The following PCNX4 variants were observed in gnomAD, a reference collection of about 807,000 sequenced individuals.
PCNX4 encodes the protein pecanex-like protein 4.
A neutral mutation model predicts 107.2 loss-of-function variants in PCNX4; 103 were observed. That is an observed-to-expected ratio of 0.96 (90% CI 0.82 to 1.13). PCNX4 has a LOEUF of 1.13. Ranked by LOEUF, PCNX4 falls within the 50% of genes most tolerant of loss-of-function variation. The probability of loss-of-function intolerance (pLI) is 0.00; values close to 1 mark genes in which losing one functional copy is unlikely to be tolerated. For missense variants in PCNX4, 1,528 were observed against 1,379.4 expected, an observed-to-expected ratio of 1.11 and a Z score of -1.71; for synonymous variants, 541 against 481.7, an observed-to-expected ratio of 1.12 and a Z score of -1.61.
rs1011283503 is a variant in PCNX4, at chr14:60,140,969, T to C, written c.*6748T>C. ...TAAGAAACTCATGGGATTTTGGCTA[T>C]GTAAGTGGCCAAATACTGCATAGGC... On this transcript the variant is annotated 3_prime_UTR_variant, in exon 11 of 11. Transcript: ENST00000406854. This position sits in a 1 kb window ranked among gnomAD's most constrained non-coding sequence, Gnocchi z 4.2. 1.3e-5 allele frequency: 2 copies of C among 152,204 alleles called. No individual in the cohort carries two copies. Among genetic ancestry groups the C allele is most frequent in the Admixed American group, 6.5e-5 (1 of 15,280 alleles). The allele number at this position is 152,204 out of a possible 1,614,324, so 9.4% of individuals were successfully genotyped here.
chr14:60,130,904 C>T (rs1471099587), intron 10 of PCNX4, among the ~76,000 whole-genome samples: 1 of 151,940 alleles, frequency 6.6e-6, no homozygotes, highest in East Asian at 1.9e-4. Context: ...GAGTTTGAGA[C>T]CAGCCTGATG....
At chr14:60,128,663 A>G (rs1290187285) in intron 10 of PCNX4, among the ~76,000 whole-genome samples, 2 of 152,226 alleles carry the variant, frequency 1.3e-5, no homozygotes, top group Admixed American at 1.3e-4. Flanking sequence ...AAGAGCACCA[A>G]TAAAGGTAAC....
intron 10 of PCNX4, among the ~76,000 whole-genome samples, chr14:60,131,975 A>G (rs2140568982): frequency 6.6e-6 from 1 of 152,346 alleles, no homozygotes; most frequent in South Asian, 2.1e-4. Flanking sequence ...TCAAAAGAAT[A>G]ATGTTGGATT....
At chr14:60,111,314 C>G (rs933837314) in intron 2 of PCNX4, among the ~76,000 whole-genome samples, 1 of 152,048 alleles carries the variant, frequency 6.6e-6, no homozygotes, top group African/African-American at 2.4e-5. Flanking sequence ...CATTTATGAA[C>G]CAGAGGACAA....
At chr14:60,123,430 C>T (rs557160290) in intron 8 of PCNX4, among the ~76,000 whole-genome samples, 3 of 152,174 alleles carry the variant, frequency 2.0e-5, no homozygotes, top group Non-Finnish European at 4.4e-5. Context: ...AAGTTCTTGC[C>T]AGCACCTGGT....
intron 1 of PCNX4, among the ~76,000 whole-genome samples, chr14:60,098,443 A>G (rs1895468301): frequency 6.6e-6 from 1 of 152,194 alleles, no homozygotes; most frequent in South Asian, 2.1e-4. Context: ...GTGACCTTAC[A>G]AAACACTCTT....
At chr14:60,094,314 C>T (rs534105069) in intron 1 of PCNX4, among the ~76,000 whole-genome samples, 1 of 62,740 alleles carries the variant, frequency 1.6e-5, no homozygotes, top group South Asian at 3.8e-4. Flanking sequence ...CCAAAGAACC[C>T]TATTCCCCCA....
chr14:60,116,552 T>C (rs930879396), intron 6 of PCNX4, among the ~76,000 whole-genome samples: 6 of 152,214 alleles, frequency 3.9e-5, no homozygotes, highest in African/African-American at 9.6e-5. Context: ...TTTGTGGTGA[T>C]GTTGGTGTAA....
intron 8 of PCNX4, among the ~76,000 whole-genome samples, chr14:60,121,968 T>C (rs80210251): frequency 6.6e-6 from 1 of 152,300 alleles, no homozygotes; most frequent in African/African-American, 2.4e-5. Flanking sequence ...CTTTGACCTT[T>C]TAACACAAGG....
At chr14:60,132,149 C>T (rs1293018469) in intron 10 of PCNX4, among the ~76,000 whole-genome samples, 1 of 152,210 alleles carries the variant, frequency 6.6e-6, no homozygotes, top group Non-Finnish European at 1.5e-5. Flanking sequence ...AAGAATCTCT[C>T]CTGGCCTCTT....
intron 1 of PCNX4, among the ~76,000 whole-genome samples, chr14:60,105,147 T>A (rs1895606223): frequency 6.6e-6 from 1 of 152,214 alleles, no homozygotes; most frequent in Non-Finnish European, 1.5e-5. Flanking sequence ...TGGAGAATTT[T>A]GGATATTCAG....
chr14:60,125,791 T>C lies in PCNX4; in HGVS notation c.3235T>C (p.Tyr1079His), dbSNP rs1566519325. 2.5e-6 allele frequency: 4 copies of C among 1,610,050 alleles called. No homozygotes were observed. Among genetic ancestry groups the C allele is most frequent in the Middle Eastern group, 1.7e-4 (1 of 6,032 alleles). The change falls in exon 10 of 11, where the codon TAC becomes CAC. Residue 1079 changes from tyrosine to histidine, a missense_variant. Transcript: ENST00000406854. ...GGAAGCAATTTTACAAGAAAAGCCA[T>C]ACTTGTTTTCTCTGGGGTATGATTC... ...WKEAILQEKP[Y>H]LFSLGYDSNM...
At chr14:60,125,981 T>C in intron 10 of PCNX4, 158 bp downstream of exon 10, 1 of 515,588 alleles carries the variant, frequency 1.9e-6, no homozygotes, top group Non-Finnish European at 3.1e-6. Context: ...TTGGCTAAGC[T>C]AGATGAACTC....
intron 10 of PCNX4, among the ~76,000 whole-genome samples, chr14:60,126,691 A>G (rs1896061368): frequency 6.6e-6 from 1 of 152,162 alleles, no homozygotes; most frequent in Admixed American, 6.5e-5. Context: ...CAGGAGTTCA[A>G]CGTTTTTAAT....
chr14:60,111,334 C>G (rs1895736942), intron 2 of PCNX4, among the ~76,000 whole-genome samples: 1 of 152,120 alleles, frequency 6.6e-6, no homozygotes, highest in African/African-American at 2.4e-5. Flanking sequence ...ATGTAATGCC[C>G]ATGTAATTCT....
Position 60,124,557 on chromosome 14 carries a change from C to T in PCNX4, c.2386C>T (p.Pro796Ser), listed in dbSNP as rs754184797. The T allele has an allele frequency of 5.1e-5, 83 of 1,613,614 alleles. No individual in the cohort carries two copies. The highest frequency in any genetic ancestry group is 7.0e-5 in the Non-Finnish European group (82 of 1,179,776). The change falls in exon 9 of 11, where the codon CCT (proline) becomes TCT (serine). Residue 796 changes from proline to serine, a missense_variant. Pro to Ser is a moderately conservative substitution (Grantham distance 74). Coordinates refer to ENST00000406854, the MANE Select transcript of PCNX4 (RefSeq NM_001330177.2). ...TAAAGGGAAAGCACCTCTAATGTTG[C>T]CTGCTTTGAACACTTTGCCACCTCC... ...ENKGKAPLML[P>S]ALNTLPPPKS...
chr14:60,120,875 T>TAA (rs1895940504), intron 7 of PCNX4, among the ~76,000 whole-genome samples: 1 of 152,226 alleles, frequency 6.6e-6, no homozygotes, highest in African/African-American at 2.4e-5. Context: ...AGCTGCCTTT[T>TAA]ATAAACTCAA....
intron 9 of PCNX4, among the ~76,000 whole-genome samples, 152 bp downstream of exon 9, chr14:60,125,403 A>G (rs77803766): frequency 0.031 from 4,700 of 152,296 alleles, 232 homozygotes; most frequent in South Asian, 0.24. Context: ...GTGTGATTGT[A>G]TCAAGGGTAC....
Position 60,142,948 on chromosome 14 carries a change from A to T in PCNX4, c.*8727A>T, listed in dbSNP as rs1896323675. 1.3e-5 allele frequency: 2 copies of T among 152,314 alleles called. No individual in the cohort carries two copies. Among genetic ancestry groups the T allele is most frequent in the African/African-American group, 4.8e-5 (2 of 41,456 alleles). 9.4% of individuals were successfully genotyped at this position (152,314 alleles called of 1,614,324 possible). Reference sequence around the variant, plus strand: ...CACTGTACTCTAGCCTGGGCGACACAGTAAGACTCCATCTCCAAAAGAAAG... The same window carrying T: ...CACTGTACTCTAGCCTGGGCGACACTGTAAGACTCCATCTCCAAAAGAAAG... On this transcript the variant is annotated 3_prime_UTR_variant, in exon 11 of 11. Transcript: ENST00000406854. This position sits in a 1 kb window ranked among gnomAD's most constrained non-coding sequence, Gnocchi z 4.7.
Sources: allele counts gnomAD v4.1 joint callset (sites outside exome capture counted in the v4.1 genomes callset), GRCh38; gene constraint gnomAD v4.1.1; non-coding constraint Gnocchi (gnomAD v3.1); transcripts MANE v1.5; gene names NCBI Gene and HGNC (gene_info 2026-07-23, HGNC 2026-07-21).